The following TAFA2 variants were observed in gnomAD, a reference collection of about 807,000 sequenced individuals.
The protein encoded by TAFA2 is chemokine-like protein TAFA-2.
In TAFA2, 7 loss-of-function variants were observed where a neutral mutation model predicts 18.8. The observed-to-expected ratio is 0.37, with a 90% CI of 0.21 to 0.70. The LOEUF (loss-of-function observed/expected upper bound fraction) is 0.70, where lower values mean the gene tolerates loss of function less well. Among genes scored for constraint, TAFA2 ranks in the 30% least tolerant of loss-of-function variants. The pLI, the probability that TAFA2 is intolerant of heterozygous loss-of-function variation, is 0.53. For missense variants in TAFA2, 122 were observed against 158.1 expected (o/e 0.77, Z 1.23); for synonymous variants, 60 against 54.2 (o/e 1.11, Z -0.47).
At chr12:62,024,568 T>C (rs75625884) in intron 1 of TAFA2, among the ~76,000 whole-genome samples, 4,734 of 152,194 alleles carry the variant, frequency 0.031, 107 homozygotes, top group Non-Finnish European at 0.048. Flanking sequence ...AATTTGTGAC[T>C]AAGTCTTCAA....
At chr12:61,812,714 C>T (rs765834658) in intron 2 of TAFA2, among the ~76,000 whole-genome samples, 9 of 150,680 alleles carry the variant, frequency 6.0e-5, no homozygotes, top group African/African-American at 2.0e-4. Context: ...GGATTACAGG[C>T]GCCCCCTGCC....
intron 1 of TAFA2, among the ~76,000 whole-genome samples, chr12:62,212,006 G>C (rs1332007021): frequency 6.6e-6 from 1 of 152,178 alleles, no homozygotes; most frequent in Non-Finnish European, 1.5e-5. Flanking sequence ...TACTCTGTCA[G>C]TAGTAACTTT....
intron 1 of TAFA2, among the ~76,000 whole-genome samples, chr12:61,946,188 G>A (rs1181884578): frequency 1.2e-4 from 18 of 150,832 alleles, no homozygotes; most frequent in Non-Finnish European, 2.1e-4. Flanking sequence ...ACAAACCTGA[G>A]AAAAACAAGC....
chr12:62,185,463 A>G (rs1178746533), intron 1 of TAFA2, among the ~76,000 whole-genome samples: 1 of 152,240 alleles, frequency 6.6e-6, no homozygotes, highest in East Asian at 1.9e-4. Context: ...GAACCCAAAT[A>G]GCAAGCAAGA....
intron 2 of TAFA2, chr12:61,827,054 AT>A (rs1872558903): frequency 1.3e-5 from 2 of 152,172 alleles, no homozygotes; most frequent in South Asian, 4.1e-4. Context: ...CACCAAGCCC[AT>A]TCCTTTGCAA....
intron 2 of TAFA2, among the ~76,000 whole-genome samples, chr12:61,805,617 C>A (rs898361039): frequency 6.6e-6 from 1 of 152,004 alleles, no homozygotes; most frequent in Non-Finnish European, 1.5e-5. Context: ...TTCCTTTGTG[C>A]AGGGTATGTT....
intron 2 of TAFA2, among the ~76,000 whole-genome samples, chr12:61,838,402 T>G (rs75816044): frequency 0.017 from 2,575 of 151,950 alleles, 48 homozygotes; most frequent in Non-Finnish European, 0.022. Context: ...CAAAGCATGC[T>G]TACTCACATA....
intron 2 of TAFA2, among the ~76,000 whole-genome samples, chr12:61,756,093 T>C (rs1869253996): frequency 6.6e-6 from 1 of 152,064 alleles, no homozygotes; most frequent in South Asian, 2.1e-4. Context: ...ATATTAATCT[T>C]CCCATTGAAG....
intron 1 of TAFA2, among the ~76,000 whole-genome samples, chr12:62,124,365 A>T (rs1420919599): frequency 6.6e-6 from 1 of 152,158 alleles, no homozygotes; most frequent in African/African-American, 2.4e-5. Context: ...TGATAACATC[A>T]CTGAAATATA....
intron 1 of TAFA2, among the ~76,000 whole-genome samples, chr12:62,200,330 G>A (rs1346333597): frequency 6.6e-5 from 10 of 151,964 alleles, no homozygotes; most frequent in African/African-American, 9.7e-5. Context: ...ATTTTTGCCC[G>A]TGCCTATGTA....
intron 1 of TAFA2, among the ~76,000 whole-genome samples, chr12:62,188,507 G>A (rs778657702): frequency 6.6e-6 from 1 of 152,134 alleles, no homozygotes; most frequent in Non-Finnish European, 1.5e-5. Context: ...TGCAGTGATT[G>A]CTGAACTTTG....
At chr12:61,882,810 G>A (rs570740297) in intron 1 of TAFA2, among the ~76,000 whole-genome samples, 1 of 152,158 alleles carries the variant, frequency 6.6e-6, no homozygotes, top group African/African-American at 2.4e-5. Context: ...TTCAAGACTT[G>A]GTCACCTGTT....
intron 1 of TAFA2, among the ~76,000 whole-genome samples, chr12:61,887,870 T>C (rs1472490292): frequency 6.6e-6 from 1 of 151,932 alleles, no homozygotes; most frequent in Non-Finnish European, 1.5e-5. Flanking sequence ...GTCTTTGCTA[T>C]TGTGAATAAT....
chr12:61,836,732 G>GATATATATGTATATATATATATATAT lies in TAFA2; in HGVS notation c.106+30587_106+30588insATATATATATATATATACATATATAT, dbSNP rs58543429. 6.0e-4 allele frequency among the ~76,000 whole-genome samples: 68 copies of GATATATATGTATATATATATATATAT among 112,746 alleles called. 1 individual carries two copies. Among genetic ancestry groups the GATATATATGTATATATATATATATAT allele is most frequent in the Admixed American group, 1.2e-3 (12 of 10,162 alleles). The allele number at this position is 112,746 out of a possible 152,430, so 74.0% of individuals were successfully genotyped here. A position where few individuals can be genotyped will look rare whatever the true frequency, so the allele number is the denominator to read the frequency against. On this transcript the variant is annotated intron_variant, in intron 2 of 4. Transcript: ENST00000416284. Reference sequence around the variant, plus strand: ...TAGTATTTAGAATTGTTGCCAATTTGATATATATATATATATATATATATA... The same window carrying GATATATATGTATATATATATATATAT: ...TAGTATTTAGAATTGTTGCCAATTTGATATATATGTATATATATATATATATATATATATATATATATATATATATA...
intron 1 of TAFA2, among the ~76,000 whole-genome samples, chr12:62,187,251 T>C (rs1380419685): frequency 6.6e-6 from 1 of 152,056 alleles, no homozygotes; most frequent in Non-Finnish European, 1.5e-5. Context: ...TGTAGCCTAG[T>C]AAATAAAAGT....
rs181734748 is a variant in TAFA2 at position 62,256,619 on chromosome 12, A to G, written c.-130+2144T>C. On this transcript the variant is annotated intron_variant, in intron 1 of 5. Transcript: ENST00000551619. ...ACCAGCTAGCAAGTGGCACTGAGCC[A>G]GAGTCAAAATCCAAGTATAGTGGCT... Among the ~76,000 whole-genome samples, 9 of 152,368 alleles carry G rather than the reference A, an allele frequency of 5.9e-5. 1 individual carries two copies. The highest frequency in any genetic ancestry group is 4.8e-5 in the African/African-American group (2 of 41,588).
chr12:62,224,455 A>G (rs900084392), intron 1 of TAFA2, among the ~76,000 whole-genome samples: 16 of 152,018 alleles, frequency 1.1e-4, no homozygotes, highest in African/African-American at 3.9e-4. Context: ...GTGTCCTTAC[A>G]TGGTGGAAGG....
chr12:61,761,392 T>C (rs1869541391), intron 2 of TAFA2, among the ~76,000 whole-genome samples: 1 of 152,048 alleles, frequency 6.6e-6, no homozygotes. Context: ...GAACCAACCA[T>C]AAATACATGG....
At chr12:61,879,447 C>A in intron 1 of TAFA2, 1 of 688,520 alleles carries the variant, frequency 1.5e-6, no homozygotes. Flanking sequence ...GAGTGGGCAG[C>A]AGCAGCTTCC....
Sources: allele counts gnomAD v4.1 joint callset (sites outside exome capture counted in the v4.1 genomes callset), GRCh38; gene constraint gnomAD v4.1.1; transcripts MANE v1.5; gene names NCBI Gene and HGNC (gene_info 2026-07-23, HGNC 2026-07-21).